FHOD3: variants seen among roughly 807,000 people sequenced by gnomAD.
FHOD3 encodes FH1/FH2 domain-containing protein 3.
In FHOD3, 90 loss-of-function variants were observed where a neutral mutation model predicts 173.0. The ratio of observed to expected loss-of-function variants is 0.52; its 90% CI spans 0.44 to 0.62. The LOEUF (loss-of-function observed/expected upper bound fraction) is 0.62. Among genes scored for constraint, FHOD3 ranks in the 20% least tolerant of loss-of-function variants. The pLI is 0.00. For missense variants in FHOD3, 1,945 were observed against 2,034.7 expected (o/e 0.96, Z 0.85); for synonymous variants, 828 against 823.0 (o/e 1.01, Z -0.10).
At chr18:36,691,045 G>A (rs1483672769) in intron 16 of FHOD3, among the ~76,000 whole-genome samples, 1 of 152,178 alleles carries the variant, frequency 6.6e-6, no homozygotes, top group Non-Finnish European at 1.5e-5. Context: ...AGGGTACACA[G>A]GAATAGCATT....
chr18:36,642,402 G>A (rs1365491777), intron 10 of FHOD3, among the ~76,000 whole-genome samples: 1 of 151,968 alleles, frequency 6.6e-6, no homozygotes, highest in Non-Finnish European at 1.5e-5. Context: ...GGTGGATCAC[G>A]AGGTCAGGAG....
intron 3 of FHOD3, among the ~76,000 whole-genome samples, chr18:36,481,063 A>AT (rs1387762645): frequency 2.6e-5 from 3 of 113,246 alleles, no homozygotes; most frequent in African/African-American, 3.6e-5. Context: ...AGCATAACTC[A>AT]TTTTTTAAAA....
chr18:36,498,269 A>T (rs567544133), intron 3 of FHOD3, among the ~76,000 whole-genome samples: 3 of 152,298 alleles, frequency 2.0e-5, no homozygotes, highest in Non-Finnish European at 4.4e-5. Context: ...ACGGGTCTCA[A>T]ATCATTTAAA....
At chr18:36,743,593 T>C (rs1356173688) in intron 22 of FHOD3, among the ~76,000 whole-genome samples, 1 of 152,212 alleles carries the variant, frequency 6.6e-6, no homozygotes. Context: ...GTTTGTTACA[T>C]TGGTAAACAT....
chr18:36,647,097 C>T (rs1414438720), intron 10 of FHOD3, among the ~76,000 whole-genome samples: 6 of 152,052 alleles, frequency 3.9e-5, no homozygotes, highest in Non-Finnish European at 7.4e-5. Context: ...AAAAAATTAG[C>T]TGGGCATGGT....
chr18:36,644,102 G>C (rs1256868025), intron 10 of FHOD3, among the ~76,000 whole-genome samples: 2 of 152,092 alleles, frequency 1.3e-5, no homozygotes, highest in African/African-American at 4.8e-5. Flanking sequence ...ACTTGAAAAC[G>C]GTGACCTCAA....
At chr18:36,490,579 T>C (rs2145764457) in intron 3 of FHOD3, among the ~76,000 whole-genome samples, 1 of 152,258 alleles carries the variant, frequency 6.6e-6, no homozygotes, top group Admixed American at 6.5e-5. Context: ...GGTGAATAGC[T>C]CTTTGAAGGC....
intron 14 of FHOD3, among the ~76,000 whole-genome samples, chr18:36,665,072 GAC>G (rs941338864): frequency 6.6e-5 from 10 of 152,260 alleles, no homozygotes; most frequent in Admixed American, 5.2e-4. Context: ...CAGCCTGGGT[GAC>G]AGAGTGAGAC....
chr18:36,400,308 A>C (rs1188279130), intron 3 of FHOD3, among the ~76,000 whole-genome samples: 1 of 152,180 alleles, frequency 6.6e-6, no homozygotes, highest in African/African-American at 2.4e-5. Flanking sequence ...TACTCCAATA[A>C]ATTTTACCAA....
chr18:36,658,147 C>T lies in FHOD3; in HGVS notation c.1794C>T (p.Pro598=), dbSNP rs139603191. ...PSSGSSVPTT[P]TSSVSPPQEA... ...CTGGATCCAGTGTGCCCACCACCCC[C>T]ACATCATCCGTCTCACCCCCACAGG... The change falls in exon 14 of 29, where the codon CCC becomes CCT. Residue 598 remains proline (P), a synonymous_variant. Coordinates refer to ENST00000590592, the MANE Select transcript of FHOD3 (RefSeq NM_001281740.3). The T allele has an allele frequency of 6.0e-5, 96 of 1,591,100 alleles. No individual in the cohort carries two copies. In the African/African-American group the frequency reaches 1.2e-3, roughly 21 times the overall value.
rs963491045 is a variant in FHOD3 at position 36,298,017 on chromosome 18, T to C, written c.165+17T>C. The C allele has an allele frequency of 6.6e-7, 1 of 1,511,258 alleles. No individual in the cohort carries two copies. Among genetic ancestry groups the C allele is most frequent in the Non-Finnish European group, 8.8e-7 (1 of 1,130,082 alleles). The allele number at this position is 1,511,258 out of a possible 1,614,324, so 93.6% of individuals were successfully genotyped here. A position where few individuals can be genotyped will look rare whatever the true frequency, so the allele number is the denominator to read the frequency against. On this transcript the variant is annotated intron_variant, in intron 1 of 28. Transcript: ENST00000590592. ...CCGCACAAGGTACGACCCGGCGGGG[T>C]GGGCTGGGCCCCCTGGACTCAGCCC... is the stretch of plus-strand genomic sequence containing the variant.
At chr18:36,576,959 G>T (rs1415512084) in intron 6 of FHOD3, among the ~76,000 whole-genome samples, 1 of 152,082 alleles carries the variant, frequency 6.6e-6, no homozygotes, top group Non-Finnish European at 1.5e-5. Context: ...TGGGCATGGT[G>T]GCACGCGCCT....
At chr18:36,536,984 C>T (rs2057020806) in intron 5 of FHOD3, among the ~76,000 whole-genome samples, 1 of 152,198 alleles carries the variant, frequency 6.6e-6, no homozygotes, top group Non-Finnish European at 1.5e-5. Context: ...ATGCAGATGT[C>T]CTAACCTGAC....
At chr18:36,446,488 C>T (rs2051484881) in intron 3 of FHOD3, among the ~76,000 whole-genome samples, 4 of 151,082 alleles carry the variant, frequency 2.6e-5, no homozygotes, top group Admixed American at 2.6e-4. Flanking sequence ...AGGCCTAATT[C>T]CTCATTGGCA....
chr18:36,325,424 C>T lies in FHOD3; in HGVS notation c.165+27424C>T, dbSNP rs2145071207. 1.3e-5 allele frequency among the ~76,000 whole-genome samples: 2 copies of T among 152,224 alleles called. 1 individual carries two copies. Among genetic ancestry groups the T allele is most frequent in the South Asian group, 4.2e-4 (2 of 4,816 alleles). ...GAAGAGGAGAGGTGATGAGAAAGTC[C>T]TAGAAGTTTTTCAGATACTTTAACT... On this transcript the variant is annotated intron_variant, in intron 1 of 28. Coordinates refer to ENST00000590592, the MANE Select transcript of FHOD3 (RefSeq NM_001281740.3).
intron 25 of FHOD3, among the ~76,000 whole-genome samples, chr18:36,757,129 C>A (rs1052175374): frequency 8.5e-5 from 13 of 152,328 alleles, no homozygotes; most frequent in African/African-American, 2.9e-4. Flanking sequence ...TTTTTAAATT[C>A]TTTCTCTTAA....
At chr18:36,755,098 A>G in intron 24 of FHOD3, 21 bp from the exon 25 acceptor site, 5 of 1,522,178 alleles carry the variant, frequency 3.3e-6, no homozygotes, top group Non-Finnish European at 3.5e-6. Context: ...AGTCATTGCT[A>G]TTACTGTTTT....
intron 10 of FHOD3, among the ~76,000 whole-genome samples, chr18:36,635,734 A>G (rs1404308948): frequency 1.3e-5 from 2 of 152,220 alleles, no homozygotes; most frequent in Non-Finnish European, 2.9e-5. Context: ...TCAGTTGGAT[A>G]GGCACTTCTG....
At chr18:36,416,280 G>T (rs1301435696) in intron 3 of FHOD3, among the ~76,000 whole-genome samples, 2 of 152,236 alleles carry the variant, frequency 1.3e-5, no homozygotes, top group East Asian at 3.8e-4. Context: ...TGATCCGCCT[G>T]CCTCGGCCTT....
Sources: gnomAD v4.1 joint callset for allele counts (sites outside exome capture counted in the v4.1 genomes callset) on GRCh38, gnomAD v4.1.1 for gene constraint, MANE v1.5 for transcripts, NCBI Gene and HGNC (gene_info 2026-07-23, HGNC 2026-07-21) for gene names.